The following DYDC1 variants were observed in gnomAD, a reference collection of about 807,000 sequenced individuals.
DYDC1 encodes the protein DPY30 domain-containing protein 1.
Under a neutral mutation model 27.9 loss-of-function variants are expected in DYDC1, and 21 were observed. That is an observed-to-expected ratio of 0.75 (90% CI 0.53 to 1.08). The LOEUF (loss-of-function observed/expected upper bound fraction) is 1.08, where lower values mean the gene tolerates loss of function less well. Ranked by LOEUF, DYDC1 falls within the 50% of genes least tolerant of loss-of-function variation. DYDC1 has a pLI of 0.00. For missense variants in DYDC1, 202 were observed against 205.9 expected, an observed-to-expected ratio of 0.98 and a Z score of 0.12; for synonymous variants, 67 against 65.8, an observed-to-expected ratio of 1.02 and a Z score of -0.09.
Position 80,352,516 on chromosome 10 carries a change from G to A in DYDC1, c.86C>T (p.Pro29Leu), listed in dbSNP as rs1453132978. 1.1e-5 allele frequency: 17 copies of A among 1,612,990 alleles called. No homozygotes were observed. In the East Asian group the frequency reaches 1.3e-4, roughly 13 times the overall value. Residue 29 changes from proline (P) to leucine (L), a missense_variant, in exon 2 of 7, where the codon CCG (proline) becomes CTG (leucine). Physicochemically the swap from Pro to Leu is moderately conservative, Grantham distance 98. Coordinates refer to ENST00000372202, the MANE Select transcript of DYDC1 (RefSeq NM_001269053.2). ...AATCCACAATGCTAAATATTCTATC[G>A]GATCCACTGGGCGAACTCTTGCCAC... Reference protein sequence around the residue: ...AEVARVRPVDPIEYLALWIYK... With the variant: ...AEVARVRPVDLIEYLALWIYK...
chr10:80,342,024 C>CAAAAAAA (rs60594545), intron 4 of DYDC1, among the ~76,000 whole-genome samples: 1 of 108,982 alleles, frequency 9.2e-6, no homozygotes, highest in Non-Finnish European at 1.9e-5. Context: ...GACTCCGTCT[C>CAAAAAAA]AAAAAAAAAA....
At chr10:80,339,242 G>T in intron 4 of DYDC1, 89 bp from the exon 5 acceptor site, 2 of 497,778 alleles carry the variant, frequency 4.0e-6, no homozygotes, top group Non-Finnish European at 6.6e-6. Flanking sequence ...TTTACACAAT[G>T]CTATGATGAA....
chr10:80,342,470 T>C (rs1303223396), intron 3 of DYDC1, 109 bp from the exon 4 acceptor site: 2 of 942,816 alleles, frequency 2.1e-6, no homozygotes, highest in Admixed American at 2.8e-5. Context: ...ATCCAACTAA[T>C]ACTTTAGTTT....
chr10:80,341,171 G>A (rs989339859), intron 4 of DYDC1, among the ~76,000 whole-genome samples: 1 of 151,736 alleles, frequency 6.6e-6, no homozygotes, highest in African/African-American at 2.4e-5. Flanking sequence ...CTAGAATATT[G>A]GTCTATATGA....
chr10:80,350,060 C>T (rs1015485321), intron 3 of DYDC1, among the ~76,000 whole-genome samples: 1 of 152,104 alleles, frequency 6.6e-6, no homozygotes. Context: ...TTTTCTTCAT[C>T]TCAGCCACAC....
chr10:80,346,264 G>A (rs1357211867), intron 3 of DYDC1, among the ~76,000 whole-genome samples: 1 of 152,068 alleles, frequency 6.6e-6, no homozygotes, highest in Non-Finnish European at 1.5e-5. Context: ...TAAGGTGCTG[G>A]TTTCATTTCC....
chr10:80,350,384 A>G (rs1842915751), intron 3 of DYDC1, among the ~76,000 whole-genome samples: 1 of 152,196 alleles, frequency 6.6e-6, no homozygotes, highest in South Asian at 2.1e-4. Flanking sequence ...CTTATTTTTG[A>G]TAGACAGGAA....
intron 2 of DYDC1, among the ~76,000 whole-genome samples, chr10:80,352,228 A>G (rs978488364): frequency 2.0e-5 from 3 of 152,238 alleles, no homozygotes; most frequent in African/African-American, 4.8e-5. Context: ...ACGTAAATCT[A>G]TAAATCTATA....
rs553740804 is a variant in DYDC1, at chr10:80,349,058, A to AT, written c.249+2842dup. Among the ~76,000 whole-genome samples, 94 of 152,036 alleles carry AT rather than the reference A, an allele frequency of 6.2e-4. 1 individual carries two copies. In the East Asian group the frequency reaches 0.018, roughly 29 times the overall value. The stretch of plus-strand genomic sequence containing the variant: ...AGGAGCCCACCACCACGCCCGGCTA[A>AT]TTTTTTGTATTTTTAGTAGAGACGG... On this transcript the variant is annotated intron_variant, in intron 3 of 6. Transcript: ENST00000372202.
chr10:80,345,384 C>A (rs1386591844), intron 3 of DYDC1, among the ~76,000 whole-genome samples: 1 of 152,116 alleles, frequency 6.6e-6, no homozygotes, highest in African/African-American at 2.4e-5. Flanking sequence ...CACAGGTAAG[C>A]AATTTCAATA....
intron 3 of DYDC1, among the ~76,000 whole-genome samples, chr10:80,342,677 G>T (rs1175585821): frequency 6.6e-6 from 1 of 152,172 alleles, no homozygotes; most frequent in Non-Finnish European, 1.5e-5. Flanking sequence ...GGTTGTGGAA[G>T]AGTGGGTGAG....
intron 3 of DYDC1, among the ~76,000 whole-genome samples, chr10:80,351,643 C>G (rs572802704): frequency 6.6e-6 from 1 of 152,172 alleles, no homozygotes; most frequent in East Asian, 1.9e-4. Context: ...TTTCCTCTTA[C>G]CTGGAGGTAT....
chr10:80,344,859 T>C (rs889547848), intron 3 of DYDC1: 1 of 178,576 alleles, frequency 5.6e-6, no homozygotes, highest in African/African-American at 2.4e-5. Flanking sequence ...GTTGGGTATG[T>C]CTTTATCAGC....
chr10:80,352,032 ACTTCT>A lies in DYDC1; in HGVS notation c.148-35_148-31del, dbSNP rs1564666505. On this transcript the variant is annotated intron_variant, in intron 2 of 6. Transcript: ENST00000372202. ...CATTGTTTAAAAACAACAGCACACG[ACTTCT>A]TAGCGAGAAAGCAATTTGTAAAAGC... is the stretch of plus-strand genomic sequence containing the variant. The A allele has an allele frequency of 1.2e-6, 2 of 1,604,278 alleles. 1 individual carries two copies. Among genetic ancestry groups the A allele is most frequent in the African/African-American group, 2.7e-5 (2 of 74,680 alleles).
chr10:80,354,150 T>C (rs1843197170), intron 1 of DYDC1, among the ~76,000 whole-genome samples: 1 of 149,208 alleles, frequency 6.7e-6, no homozygotes, highest in Non-Finnish European at 1.5e-5. Flanking sequence ...ATATATTTTT[T>C]CCTGAGAATC....
At chr10:80,338,285 G>A in intron 6 of DYDC1, 182 bp downstream of exon 6, 3 of 1,336,930 alleles carry the variant, frequency 2.2e-6, no homozygotes, top group Non-Finnish European at 2.9e-6. Flanking sequence ...CTTCACAAAA[G>A]GGCAGAATGC....
chr10:80,349,186 C>T (rs1842843388), intron 3 of DYDC1, among the ~76,000 whole-genome samples: 2 of 152,204 alleles, frequency 1.3e-5, no homozygotes, highest in African/African-American at 2.4e-5. Flanking sequence ...CCACCGCGCC[C>T]GGCCCGCAGA....
chr10:80,356,353 C>G, intron 1 of DYDC1: 1 of 985,864 alleles, frequency 1.0e-6, no homozygotes, highest in Non-Finnish European at 1.2e-6. Context: ...GATTCCTTAC[C>G]CACACCTGGG....
rs763205453 is a variant in DYDC1, at chr10:80,352,460, G to T, written c.142C>A (p.Gln48Lys). The T allele has an allele frequency of 1.4e-5, 22 of 1,599,084 alleles. No individual in the cohort carries two copies. Among genetic ancestry groups the T allele is most frequent in the Middle Eastern group, 1.7e-4 (1 of 6,020 alleles). ...AGAAGGAGATTCCTACTTACCAGTTGTTCCATGGTCACATTTTCCTTATAC... is the reference window on the plus strand; with the variant it reads ...AGAAGGAGATTCCTACTTACCAGTTTTTCCATGGTCACATTTTCCTTATAC... ...YKYKENVTME[Q>K]LRQKEMAKLE... Residue 48 changes from glutamine (Q) to lysine (K), a missense_variant, in exon 2 of 7, where the codon CAA becomes AAA. Coordinates refer to ENST00000372202, the MANE Select transcript of DYDC1 (RefSeq NM_001269053.2).
Sources: gnomAD v4.1 joint callset for allele counts (sites outside exome capture counted in the v4.1 genomes callset) on GRCh38, gnomAD v4.1.1 for gene constraint, MANE v1.5 for transcripts, NCBI Gene and HGNC (gene_info 2026-07-23, HGNC 2026-07-21) for gene names.